The following CCDC68 variants were observed in gnomAD, a reference collection of about 807,000 sequenced individuals.
CCDC68 encodes the protein coiled-coil domain-containing protein 68.
In CCDC68, 45 loss-of-function variants were observed where a neutral mutation model predicts 47.1. That is an observed-to-expected ratio of 0.96 (90% CI 0.75 to 1.23). The LOEUF (loss-of-function observed/expected upper bound fraction) is 1.23, where lower values mean the gene tolerates loss of function less well. CCDC68 is among the 50% of genes most tolerant of loss of function. The probability of loss-of-function intolerance (pLI) is 0.00; values close to 1 mark genes in which losing one functional copy is unlikely to be tolerated. For missense variants in CCDC68, 353 were observed against 373.6 expected (o/e 0.94, Z 0.45); for synonymous variants, 131 against 129.5 (o/e 1.01, Z -0.08).
At chr18:54,946,412 G>A (rs1174678396) in intron 1 of CCDC68, among the ~76,000 whole-genome samples, 2 of 152,200 alleles carry the variant, frequency 1.3e-5, no homozygotes, top group East Asian at 1.9e-4. Flanking sequence ...CAAAGCAATC[G>A]ATCTGGCCTG....
At chr18:54,922,830 A>T (rs1415003292) in intron 8 of CCDC68, among the ~76,000 whole-genome samples, 1 of 151,970 alleles carries the variant, frequency 6.6e-6, no homozygotes, top group Non-Finnish European at 1.5e-5. Context: ...ACTACTAAAA[A>T]TACAAAAATT....
At chr18:54,952,977 C>T (rs959593814) in intron 1 of CCDC68, among the ~76,000 whole-genome samples, 2 of 151,834 alleles carry the variant, frequency 1.3e-5, no homozygotes, top group African/African-American at 4.8e-5. Context: ...TGTGCCACTG[C>T]ACTCCAGCCT....
intron 10 of CCDC68, among the ~76,000 whole-genome samples, chr18:54,915,614 T>C (rs566336921): frequency 6.6e-6 from 1 of 152,312 alleles, no homozygotes; most frequent in East Asian, 1.9e-4. Flanking sequence ...ATGGAATGAA[T>C]GAATGTTAGT....
intron 1 of CCDC68, among the ~76,000 whole-genome samples, chr18:54,952,968 G>C (rs2044643725): frequency 6.6e-6 from 1 of 151,894 alleles, no homozygotes; most frequent in Non-Finnish European, 1.5e-5. Context: ...AGCTGAAATT[G>C]TGCCACTGCA....
chr18:54,920,684 T>C (rs953317100), intron 8 of CCDC68, among the ~76,000 whole-genome samples: 2 of 151,998 alleles, frequency 1.3e-5, no homozygotes, highest in East Asian at 1.9e-4. Flanking sequence ...TATTAAAAAG[T>C]AAAAAAATAA....
At chr18:54,927,362 G>C (rs192367106) in intron 8 of CCDC68, among the ~76,000 whole-genome samples, 8 of 152,204 alleles carry the variant, frequency 5.3e-5, no homozygotes, top group Non-Finnish European at 1.2e-4. Context: ...GAATAGAAGA[G>C]AAAGAATAGA....
chr18:54,919,154 GAT>G, intron 9 of CCDC68, 115 bp downstream of exon 9: 1 of 753,702 alleles, frequency 1.3e-6, no homozygotes, highest in Non-Finnish European at 2.3e-6. Context: ...AACAAAAAAG[GAT>G]ATGTCAGTAG....
At position 54,930,804 on chromosome 18, in the gene CCDC68, C is replaced by T. The variant is rs765860275; in HGVS notation, c.601-1922G>A. On this transcript the variant is annotated intron_variant, in intron 7 of 11. Transcript: ENST00000591504. ...TGCGATCCTGGCTCACTGCAACCTC[C>T]GCCTCCCAGGTTCAAGCGATTCTCC... Among the ~76,000 whole-genome samples, 5 of 150,498 alleles carry T rather than the reference C, an allele frequency of 3.3e-5. 1 individual carries two copies. Among genetic ancestry groups the T allele is most frequent in the African/African-American group, 9.8e-5 (4 of 40,782 alleles).
chr18:54,943,601 A>G (rs1183021198), intron 2 of CCDC68, among the ~76,000 whole-genome samples: 1 of 152,232 alleles, frequency 6.6e-6, no homozygotes, highest in East Asian at 1.9e-4. Flanking sequence ...ATTAAAAATG[A>G]CATACCAGGA....
At chr18:54,929,737 C>CTT (rs2044211870) in intron 7 of CCDC68, among the ~76,000 whole-genome samples, 2 of 152,184 alleles carry the variant, frequency 1.3e-5, no homozygotes, top group Admixed American at 6.5e-5. Flanking sequence ...GCTGCAGCAT[C>CTT]TGAGTGAGTG....
chr18:54,927,579 A>G (rs908165625), intron 8 of CCDC68, among the ~76,000 whole-genome samples: 2 of 152,234 alleles, frequency 1.3e-5, no homozygotes, highest in Admixed American at 6.5e-5. Context: ...CTGAAGATGT[A>G]CTTAGAATTA....
intron 8 of CCDC68, among the ~76,000 whole-genome samples, chr18:54,928,377 T>C (rs1164694737): frequency 6.6e-6 from 1 of 152,138 alleles, no homozygotes; most frequent in Non-Finnish European, 1.5e-5. Context: ...CAGGAAACTG[T>C]CTTAGAATTC....
intron 9 of CCDC68, among the ~76,000 whole-genome samples, chr18:54,918,830 C>T (rs1057465337): frequency 2.6e-5 from 4 of 152,150 alleles, no homozygotes; most frequent in African/African-American, 7.2e-5. Context: ...ACAATCGCCT[C>T]GACTTTGCCA....
Position 54,919,370 on chromosome 18 carries a change from C to T in CCDC68, c.690G>A (p.Gln230=). 1.9e-6 allele frequency: 3 copies of T among 1,612,434 alleles called. No individual in the cohort carries two copies. Among genetic ancestry groups the T allele is most frequent in the Non-Finnish European group, 2.5e-6 (3 of 1,178,536 alleles). Residue 230 remains glutamine, a synonymous_variant, in exon 9 of 12, where the codon CAG becomes CAA. Coordinates refer to ENST00000591504, the MANE Select transcript of CCDC68 (RefSeq NM_025214.3). ...GAATGGAAATCTCCCTCTGAAGATC[C>T]TGGCAACTGGGAATGCAAAGGGAAA... is the stretch of plus-strand genomic sequence containing the variant. The part of the protein sequence containing the change: ...KSSATYGKSC[Q]DLQREISILQ...
At chr18:54,936,404 C>T (rs1385484018) in intron 6 of CCDC68, among the ~76,000 whole-genome samples, 2 of 151,334 alleles carry the variant, frequency 1.3e-5, no homozygotes, top group African/African-American at 4.9e-5. Context: ...AAGACCAAAA[C>T]AATTTTGAAA....
rs141183307 is a variant in CCDC68, at chr18:54,904,366, G to C, written c.1000C>G (p.Arg334Gly). 1.2e-6 allele frequency: 2 copies of C among 1,612,178 alleles called. No individual in the cohort carries two copies. Among genetic ancestry groups the C allele is most frequent in the African/African-American group, 2.7e-5 (2 of 74,968 alleles). ...VSPYLMLIRLRK is the reference protein window; with the variant it reads ...VSPYLMLIRLGK ...ATCTTCATCCAGCCAGTTCATTTCCGTAACCTAATCAACATTAAATAAGGG... is the reference window on the plus strand; with the variant it reads ...ATCTTCATCCAGCCAGTTCATTTCCCTAACCTAATCAACATTAAATAAGGG... The change falls in exon 12 of 12, where the codon CGG becomes GGG. Residue 334 changes from arginine to glycine, a missense_variant. By Grantham distance (125) the Arg-to-Gly change is moderately radical. Transcript: ENST00000591504.
At chr18:54,942,850 G>A (rs2044461689) in intron 2 of CCDC68, 47 bp from the exon 3 acceptor site, 1 of 1,012,306 alleles carries the variant, frequency 9.9e-7, no homozygotes, top group Admixed American at 1.8e-5. Flanking sequence ...TGTTTTGATT[G>A]TATGATTATA....
At position 54,925,985 on chromosome 18, in the gene CCDC68, A is replaced by G. The variant is rs148316106; in HGVS notation, c.683+2815T>C. ...CTTTATTATTATTTTCATTGGTGGT[A>G]CCAAAGGGGTGCCTTGAGAGAACAC... On this transcript the variant is annotated intron_variant, in intron 8 of 11. Coordinates refer to ENST00000591504, the MANE Select transcript of CCDC68 (RefSeq NM_025214.3). Among the ~76,000 whole-genome samples, 300 of 152,320 alleles carry G rather than the reference A, an allele frequency of 2.0e-3. 2 individuals carry two copies. The highest frequency in any genetic ancestry group is 1.8e-3 in the Non-Finnish European group (123 of 68,022).
intron 10 of CCDC68, among the ~76,000 whole-genome samples, chr18:54,911,522 G>T (rs551918162): frequency 6.6e-6 from 1 of 152,290 alleles, no homozygotes; most frequent in Admixed American, 6.5e-5. Flanking sequence ...TTTCAAGAGT[G>T]AAGCTAAGTT....
Sources: gnomAD v4.1 joint callset for allele counts (sites outside exome capture counted in the v4.1 genomes callset) on GRCh38, gnomAD v4.1.1 for gene constraint, MANE v1.5 for transcripts, NCBI Gene and HGNC (gene_info 2026-07-23, HGNC 2026-07-21) for gene names.